The following NTRK3 variants were observed in gnomAD, a reference collection of about 807,000 sequenced individuals.
The protein encoded by NTRK3 is NT-3 growth factor receptor.
Under a neutral mutation model 91.7 loss-of-function variants are expected in NTRK3, and 24 were observed. That is an observed-to-expected ratio of 0.26 (90% CI 0.19 to 0.37). The LOEUF (loss-of-function observed/expected upper bound fraction) is 0.37. NTRK3 is among the 10% of genes least tolerant of loss of function. The pLI is 1.00. For missense variants in NTRK3, 880 were observed against 1,068.9 expected (o/e 0.82, Z 2.46); for synonymous variants, 483 against 404.0 (o/e 1.20, Z -2.34).
intron 17 of NTRK3, chr15:87,925,441 G>GCACACACACACACACACACACA (rs61582719): frequency 5.5e-5 from 10 of 180,928 alleles, no homozygotes; most frequent in East Asian, 5.2e-4. Flanking sequence ...ACACGTGTAT[G>GCACACACACACACACACACACA]CACACACACA....
chr15:88,215,894 T>C (rs765479233), intron 3 of NTRK3, among the ~76,000 whole-genome samples: 1 of 152,230 alleles, frequency 6.6e-6, no homozygotes, highest in Non-Finnish European at 1.5e-5. Context: ...TCCCTGGATC[T>C]AGGCTCCCCA....
chr15:88,037,190 G>A (rs1367644674), intron 13 of NTRK3, among the ~76,000 whole-genome samples: 1 of 152,156 alleles, frequency 6.6e-6, no homozygotes, highest in Non-Finnish European at 1.5e-5. Flanking sequence ...CTTAAAATGT[G>A]GGCATTAGAA....
At chr15:87,934,266 G>T (rs2069070265) in intron 15 of NTRK3, among the ~76,000 whole-genome samples, 1 of 152,122 alleles carries the variant, frequency 6.6e-6, no homozygotes, top group Non-Finnish European at 1.5e-5. Context: ...AGGCAAATGG[G>T]GCCCAACATT....
intron 14 of NTRK3, among the ~76,000 whole-genome samples, chr15:88,015,597 G>T (rs2141826837): frequency 6.6e-6 from 1 of 152,264 alleles, no homozygotes; most frequent in Admixed American, 6.5e-5. Context: ...TAGTTGCAGG[G>T]TCTCTGTGGC....
intron 17 of NTRK3, among the ~76,000 whole-genome samples, chr15:87,900,317 A>C (rs2066375024): frequency 6.6e-6 from 1 of 152,186 alleles, no homozygotes; most frequent in Non-Finnish European, 1.5e-5. Context: ...CCAGCCACAC[A>C]GCCCTGGCAA....
intron 10 of NTRK3, among the ~76,000 whole-genome samples, chr15:88,132,938 C>A (rs2041508668): frequency 6.6e-6 from 1 of 152,130 alleles, no homozygotes; most frequent in South Asian, 2.1e-4. Context: ...TGACTCTATC[C>A]TCCCTCCATC....
intron 3 of NTRK3, among the ~76,000 whole-genome samples, chr15:88,186,338 C>T (rs1485303358): frequency 6.6e-6 from 1 of 152,158 alleles, no homozygotes; most frequent in African/African-American, 2.4e-5. Flanking sequence ...CAAGCCTTAC[C>T]CTTCTCAGCC....
At chr15:88,177,921 G>A (rs978374936) in intron 5 of NTRK3, among the ~76,000 whole-genome samples, 1 of 152,214 alleles carries the variant, frequency 6.6e-6, no homozygotes, top group African/African-American at 2.4e-5. Context: ...TATGAAGTAG[G>A]AACTCTTATT....
chr15:88,085,248 A>G (rs1357388126), intron 13 of NTRK3, among the ~76,000 whole-genome samples: 3 of 152,202 alleles, frequency 2.0e-5, no homozygotes, highest in Admixed American at 1.3e-4. Context: ...CCAGGAAACC[A>G]TATTTTAGAG....
intron 13 of NTRK3, among the ~76,000 whole-genome samples, chr15:88,076,824 GGCT>G (rs2047590496): frequency 6.6e-6 from 1 of 152,154 alleles, no homozygotes; most frequent in Non-Finnish European, 1.5e-5. Flanking sequence ...TGGGTGCAGT[GGCT>G]CATGCCTGCA....
chr15:88,089,506 C>T (rs1050027116), intron 13 of NTRK3, among the ~76,000 whole-genome samples: 1 of 152,162 alleles, frequency 6.6e-6, no homozygotes, highest in African/African-American at 2.4e-5. Context: ...TACTGCACAA[C>T]TATTAAAAAG....
At chr15:88,253,526 G>A (rs2053653869) in intron 3 of NTRK3, 1 of 152,266 alleles carries the variant, frequency 6.6e-6, no homozygotes, top group African/African-American at 2.4e-5. Flanking sequence ...CTCTGGAGTG[G>A]AAATCTGGGC....
At chr15:87,914,322 A>C (rs1278070700) in intron 17 of NTRK3, among the ~76,000 whole-genome samples, 1 of 152,170 alleles carries the variant, frequency 6.6e-6, no homozygotes, top group Non-Finnish European at 1.5e-5. Flanking sequence ...CTGCACTGAT[A>C]AGCAGATGTC....
At position 87,996,702 on chromosome 15, in the gene NTRK3, G is replaced by C. The variant is rs542413422; in HGVS notation, c.1585+36155C>G. On this transcript the variant is annotated intron_variant, in intron 14 of 18. Coordinates refer to ENST00000394480, the Ensembl canonical transcript of NTRK3. ...CTTGACTTTATTTCATCAGACCTGAGGCAAGCCACTTGCTATTAAATAAGG... is the reference window on the plus strand; with the variant it reads ...CTTGACTTTATTTCATCAGACCTGACGCAAGCCACTTGCTATTAAATAAGG... Among the ~76,000 whole-genome samples the C allele has an allele frequency of 3.5e-4, 53 of 152,292 alleles. No individual in the cohort carries two copies. The South Asian group carries it at 9.6e-3, about 27-fold the overall frequency.
intron 5 of NTRK3, among the ~76,000 whole-genome samples, chr15:88,168,640 C>T (rs1055475504): frequency 6.6e-6 from 1 of 152,186 alleles, no homozygotes; most frequent in Non-Finnish European, 1.5e-5. Context: ...AGCCCCACTG[C>T]CTCCTGCAGG....
At chr15:88,012,393 G>A (rs896883795) in intron 14 of NTRK3, among the ~76,000 whole-genome samples, 1 of 152,120 alleles carries the variant, frequency 6.6e-6, no homozygotes, top group Non-Finnish European at 1.5e-5. Flanking sequence ...GCTCATTCTT[G>A]CGCCTTGCTT....
At chr15:88,175,454 A>G (rs1165812557) in intron 5 of NTRK3, among the ~76,000 whole-genome samples, 1 of 152,246 alleles carries the variant, frequency 6.6e-6, no homozygotes, top group Admixed American at 6.5e-5. Context: ...GTACAATTCA[A>G]AAGTTTTTCA....
intron 3 of NTRK3, among the ~76,000 whole-genome samples, chr15:88,190,186 T>C (rs1450764253): frequency 1.3e-5 from 2 of 152,232 alleles, no homozygotes; most frequent in African/African-American, 4.8e-5. Context: ...GGCTGTCAGA[T>C]TGCTGTTATC....
rs979854493 is a variant in NTRK3, at chr15:87,863,986, C to T, written c.*12949G>A. 7.3e-5 allele frequency: 15 copies of T among 205,078 alleles called. No individual in the cohort carries two copies. The Admixed American group carries it at 8.5e-4, about 12-fold the overall frequency. 12.7% of individuals were successfully genotyped at this position (205,078 alleles called of 1,614,324 possible). On this transcript the variant is annotated 3_prime_UTR_variant, in exon 19 of 19. Coordinates refer to ENST00000394480, the Ensembl canonical transcript of NTRK3. The stretch of plus-strand genomic sequence containing the variant: ...CCACCAGGCAAAATACACACACACA[C>T]ACACACATACACACACACACACACA...
Sources: gnomAD v4.1 joint callset for allele counts (sites outside exome capture counted in the v4.1 genomes callset) on GRCh38, gnomAD v4.1.1 for gene constraint, MANE v1.5 for transcripts, NCBI Gene and HGNC (gene_info 2026-07-23, HGNC 2026-07-21) for gene names.